The following MARCHF6 variants were observed in gnomAD, a reference collection of about 807,000 sequenced individuals.
MARCHF6 encodes the protein E3 ubiquitin-protein ligase MARCHF6.
Under a neutral mutation model 133.7 loss-of-function variants are expected in MARCHF6, and 31 were observed. The observed-to-expected ratio is 0.23, with a 90% CI of 0.17 to 0.31. The LOEUF (loss-of-function observed/expected upper bound fraction) is 0.31, where lower values mean the gene tolerates loss of function less well. Ranked by LOEUF, MARCHF6 falls within the 10% of genes least tolerant of loss-of-function variation. The probability of loss-of-function intolerance (pLI) is 1.00; values close to 1 mark genes in which losing one functional copy is unlikely to be tolerated. For synonymous variants in MARCHF6, 395 were observed against 402.5 expected (o/e 0.98, Z 0.22); for missense variants, 723 against 1,121.6 (o/e 0.64, Z 5.08).
In MARCHF6 at chr5:10,411,358, G is replaced by T. The variant is rs750671559; in HGVS notation, c.1717G>T (p.Asp573Tyr). 4.3e-6 allele frequency: 7 copies of T among 1,614,096 alleles called. No homozygotes were observed. Among genetic ancestry groups the T allele is most frequent in the Middle Eastern group, 1.7e-4 (1 of 6,060 alleles). Reference sequence around the variant, plus strand: ...GGATCTTCATTCTTATTTATTGGGAGACCAGGAAGAAAATGAAAACAGTGC... The same window carrying T: ...GGATCTTCATTCTTATTTATTGGGATACCAGGAAGAAAATGAAAACAGTGC... Reference protein sequence around the residue: ...LLDLHSYLLGDQEENENSANQ... With the variant: ...LLDLHSYLLGYQEENENSANQ... Residue 573 changes from aspartate (D) to tyrosine (Y), a missense_variant, in exon 19 of 26, where the codon GAC (aspartate) becomes TAC (tyrosine). By Grantham distance (160) the Asp-to-Tyr change is radical. This residue lies in a region of MARCHF6 where 492 missense variants were observed against 699.5 expected (regional missense o/e 0.70). Transcript: ENST00000274140.
intron 1 of MARCHF6, among the ~76,000 whole-genome samples, chr5:10,369,978 G>A (rs1362827461): frequency 2.0e-5 from 3 of 150,860 alleles, no homozygotes; most frequent in African/African-American, 7.3e-5. Flanking sequence ...GTGAACATAA[G>A]TTTTTGTTTT....
At chr5:10,429,812 C>T in intron 24 of MARCHF6, 81 bp from the exon 25 acceptor site, 2 of 1,208,588 alleles carry the variant, frequency 1.7e-6, no homozygotes, top group Non-Finnish European at 2.4e-6. Flanking sequence ...CCAGTCCATT[C>T]TTCTAGGGGA....
At chr5:10,354,118 G>A (rs1735285302) in intron 1 of MARCHF6, 1 of 385,044 alleles carries the variant, frequency 2.6e-6, no homozygotes, top group Non-Finnish European at 4.4e-6. Flanking sequence ...CCGCGCCGCC[G>A]AGGGGGGCGG....
chr5:10,437,567 T>C lies in MARCHF6; in HGVS notation c.*3883T>C, dbSNP rs1388326168. 1 of 152,228 alleles carries C rather than the reference T, an allele frequency of 6.6e-6. No individual in the cohort carries two copies. The highest frequency in any genetic ancestry group is 1.5e-5 in the Non-Finnish European group (1 of 68,048). The allele number at this position is 152,228 out of a possible 1,614,324, so 9.4% of individuals were successfully genotyped here. A position where few individuals can be genotyped will look rare whatever the true frequency, so the allele number is the denominator to read the frequency against. On this transcript the variant is annotated 3_prime_UTR_variant, in exon 26 of 26. Transcript: ENST00000274140. ...ACATAAAGACAAGACAGTATATGTA[T>C]GTTTTCATTCCTGTTTTGTACGAGT...
chr5:10,405,735 T>C, intron 16 of MARCHF6, 58 bp downstream of exon 16: 1 of 1,497,612 alleles, frequency 6.7e-7, no homozygotes, highest in South Asian at 1.3e-5. Flanking sequence ...ACCTATAGTT[T>C]TGTTTAGGTT....
At chr5:10,400,296 A>G (rs997901317) in intron 10 of MARCHF6, among the ~76,000 whole-genome samples, 3 of 152,186 alleles carry the variant, frequency 2.0e-5, no homozygotes, top group South Asian at 4.1e-4. Context: ...GTCCGGGGCA[A>G]GTAGGACAGA....
chr5:10,433,483 C>A, intron 25 of MARCHF6, 111 bp from the exon 26 acceptor site: 1 of 779,816 alleles, frequency 1.3e-6, no homozygotes, highest in Non-Finnish European at 2.2e-6. Flanking sequence ...CTCCCTTTGA[C>A]TTGCCCAACC....
chr5:10,391,450 T>TC, intron 6 of MARCHF6, 92 bp from the exon 7 acceptor site: 1 of 539,094 alleles, frequency 1.9e-6, no homozygotes, highest in Non-Finnish European at 2.9e-6. Context: ...TTTTTTTTTT[T>TC]TTTTTTTTTT....
At chr5:10,409,736 C>G (rs1399230712) in intron 17 of MARCHF6, among the ~76,000 whole-genome samples, 1 of 152,064 alleles carries the variant, frequency 6.6e-6, no homozygotes, top group Non-Finnish European at 1.5e-5. Context: ...TGCAATGATC[C>G]TGGTGAGAGG....
At chr5:10,389,671 G>A (rs1189351900) in intron 5 of MARCHF6, among the ~76,000 whole-genome samples, 1 of 152,102 alleles carries the variant, frequency 6.6e-6, no homozygotes, top group Admixed American at 6.5e-5. Flanking sequence ...CAAAGTGCTG[G>A]GATTACAGGC....
intron 1 of MARCHF6, 163 bp downstream of exon 1, chr5:10,354,080 C>A: frequency 1.8e-6 from 1 of 555,652 alleles, no homozygotes; most frequent in Non-Finnish European, 2.7e-6. Flanking sequence ...GGAAGGTGAC[C>A]CTCTGCGCGC....
Position 10,379,036 on chromosome 5 carries a change from A to G in MARCHF6, c.190+204A>G, listed in dbSNP as rs181101475. 1.5e-3 allele frequency among the ~76,000 whole-genome samples: 232 copies of G among 152,016 alleles called. 1 individual carries two copies. Among genetic ancestry groups the G allele is most frequent in the Non-Finnish European group, 2.8e-3 (188 of 67,966 alleles). On this transcript the variant is annotated intron_variant, in intron 3 of 25. Transcript: ENST00000274140. ...TTTGAAAAACTGTATGCTGTCTTTT[A>G]TCACACACATGTTTGAGATTTGTGG...
intron 17 of MARCHF6, 67 bp from the exon 18 acceptor site, chr5:10,410,072 T>TACTA: frequency 6.6e-7 from 1 of 1,510,076 alleles, no homozygotes; most frequent in Non-Finnish European, 9.1e-7. Context: ...AGAAGTTGCG[T>TACTA]TGTAATCCCA....
intron 22 of MARCHF6, among the ~76,000 whole-genome samples, chr5:10,420,697 C>A (rs1188693845): frequency 2.0e-5 from 3 of 152,222 alleles, no homozygotes; most frequent in Non-Finnish European, 4.4e-5. Flanking sequence ...AAGACAAAAG[C>A]AAGACCCTCT....
chr5:10,415,613 T>C lies in MARCHF6; in HGVS notation c.2092T>C (p.Trp698Arg). The C allele has an allele frequency of 3.7e-6, 6 of 1,614,178 alleles. No homozygotes were observed. The highest frequency in any genetic ancestry group is 5.1e-6 in the Non-Finnish European group (6 of 1,180,024). ...AAGGGCTGTGACGGTGATGGTGGCA[T>C]GGATGCCTCAGGGACGCAGAGTGAT... ...TIRAVTVMVA[W>R]MPQGRRVIFQ... is the part of the protein sequence containing the mutation. Residue 698 changes from tryptophan to arginine, a missense_variant, in exon 21 of 26, where the codon TGG (tryptophan) becomes CGG (arginine). Physicochemically the swap from Trp to Arg is moderately radical, Grantham distance 101. This residue lies in a region of MARCHF6 where 492 missense variants were observed against 699.5 expected (regional missense o/e 0.70). Transcript: ENST00000274140.
At chr5:10,417,798 G>A (rs1303592216) in intron 22 of MARCHF6, among the ~76,000 whole-genome samples, 1 of 150,096 alleles carries the variant, frequency 6.7e-6, no homozygotes, top group Non-Finnish European at 1.5e-5. Context: ...AGCTGGTTTA[G>A]AAAGACTAAT....
rs532578614 is a variant in MARCHF6, at chr5:10,433,762, G to A, written c.*78G>A. On this transcript the variant is annotated 3_prime_UTR_variant, in exon 26 of 26. Coordinates refer to ENST00000274140, the MANE Select transcript of MARCHF6 (RefSeq NM_005885.4). ...CTTCTCTCTTTGGAGATTTTTCCCA[G>A]TGATCTCTCAGCGTTGTTTTTAAGT... 2 of 1,183,362 alleles carry A rather than the reference G, an allele frequency of 1.7e-6. No homozygotes were observed. Among genetic ancestry groups the A allele is most frequent in the Admixed American group, 1.7e-5 (1 of 57,756 alleles). The allele number at this position is 1,183,362 out of a possible 1,614,324, so 73.3% of individuals were successfully genotyped here.
At chr5:10,401,857 C>T in intron 11 of MARCHF6, 1 of 539,618 alleles carries the variant, frequency 1.9e-6, no homozygotes, top group African/African-American at 1.9e-5. Flanking sequence ...TTTAATTTTT[C>T]TTCATTTTTT....
chr5:10,381,745 A>G, intron 3 of MARCHF6, 55 bp from the exon 4 acceptor site: 1 of 1,346,700 alleles, frequency 7.4e-7, no homozygotes, highest in South Asian at 1.4e-5. Context: ...ATATTTATGA[A>G]TTAAGCTATT....
Sources: allele counts gnomAD v4.1 joint callset (sites outside exome capture counted in the v4.1 genomes callset), GRCh38; gene constraint gnomAD v4.1.1; regional missense constraint gnomAD v4.1.1; transcripts MANE v1.5; gene names NCBI Gene and HGNC (gene_info 2026-07-23, HGNC 2026-07-21).